Variants in ASB3 observed in about 807,000 individuals in gnomAD.
ASB3 encodes ankyrin repeat and SOCS box containing 3, also known as ankyrin repeat and SOCS box protein 3.
ASB3 carries 41 observed loss-of-function variants against 54.5 expected under a neutral mutation model. That is an observed-to-expected ratio of 0.75 (90% CI 0.59 to 0.98). The LOEUF (loss-of-function observed/expected upper bound fraction) is 0.98, where lower values mean the gene tolerates loss of function less well. Among genes scored for constraint, ASB3 ranks in the 50% least tolerant of loss-of-function variants. The pLI, the probability that ASB3 is intolerant of heterozygous loss-of-function variation, is 0.00. For synonymous variants in ASB3, 266 were observed against 221.2 expected, an observed-to-expected ratio of 1.20 and a Z score of -1.80; for missense variants, 733 against 620.0, an observed-to-expected ratio of 1.18 and a Z score of -1.94.
intron 4 of ASB3, 83 bp downstream of exon 4, chr2:53,729,375 A>G (rs1671176552): frequency 7.1e-7 from 1 of 1,405,236 alleles, no homozygotes; most frequent in African/African-American, 1.4e-5. Flanking sequence ...GCAAGCAGAA[A>G]GCAAAAACTG....
At chr2:53,709,147 A>C (rs2103808857) in intron 7 of ASB3, among the ~76,000 whole-genome samples, 1 of 152,354 alleles carries the variant, frequency 6.6e-6, no homozygotes, top group Non-Finnish European at 1.5e-5. Context: ...CCAGAGGCCT[A>C]GGAGGACTGA....
At chr2:53,782,712 C>T (rs1297504430) in intron 1 of ASB3, among the ~76,000 whole-genome samples, 1 of 152,242 alleles carries the variant, frequency 6.6e-6, no homozygotes, top group Non-Finnish European at 1.5e-5. Flanking sequence ...AGAGGCAACT[C>T]GTTTCTTGCA....
intron 1 of ASB3, 133 bp from the exon 2 acceptor site, chr2:53,765,718 T>C: frequency 9.6e-7 from 1 of 1,036,968 alleles, no homozygotes; most frequent in Non-Finnish European, 1.4e-6. Context: ...ATACAGAAAG[T>C]GACTGCCATG....
At chr2:53,742,079 C>T (rs1464916308) in intron 3 of ASB3, among the ~76,000 whole-genome samples, 1 of 152,108 alleles carries the variant, frequency 6.6e-6, no homozygotes, top group Admixed American at 6.6e-5. Flanking sequence ...CTTCTCTGGA[C>T]CAGTTGAAAT....
chr2:53,778,367 A>T (rs567030449), intron 1 of ASB3, among the ~76,000 whole-genome samples: 13 of 152,302 alleles, frequency 8.5e-5, no homozygotes, highest in African/African-American at 3.1e-4. Flanking sequence ...TACAATGTGG[A>T]ATAATTAAAT....
intron 7 of ASB3, among the ~76,000 whole-genome samples, chr2:53,706,581 G>A (rs1177350584): frequency 2.6e-5 from 4 of 152,050 alleles, no homozygotes; most frequent in African/African-American, 9.7e-5. Context: ...GAGTAGTTGG[G>A]ACTATAGGCA....
intron 3 of ASB3, among the ~76,000 whole-genome samples, chr2:53,743,284 C>A (rs913759471): frequency 6.6e-6 from 1 of 151,300 alleles, no homozygotes; most frequent in African/African-American, 2.4e-5. Flanking sequence ...GGAATACACG[C>A]GTGAGCAACA....
intron 8 of ASB3, among the ~76,000 whole-genome samples, chr2:53,695,723 T>C (rs1669148068): frequency 2.6e-5 from 4 of 152,256 alleles, no homozygotes; most frequent in Middle Eastern, 3.4e-3. Context: ...TGTACAATCA[T>C]AAACGAGTGA....
chr2:53,711,157 TG>T (rs1670073109), intron 7 of ASB3, among the ~76,000 whole-genome samples: 1 of 152,056 alleles, frequency 6.6e-6, no homozygotes, highest in Non-Finnish European at 1.5e-5. Flanking sequence ...AAAAACAATT[TG>T]GGTCTATCTT....
rs148354003 is a variant in ASB3 at position 53,766,619 on chromosome 2, G to A, written c.-13-1034C>T. Among the ~76,000 whole-genome samples the A allele has an allele frequency of 2.0e-5, 3 of 152,254 alleles. No homozygotes were observed. The East Asian group carries it at 5.8e-4, about 29-fold the overall frequency. ...AAAGTATAAATAAAGTAAAAAGGAA[G>A]TACAGCAACTGTGCAAAATGGTAAT... On this transcript the variant is annotated intron_variant, in intron 1 of 9. Transcript: ENST00000263634.
chr2:53,779,555 GC>G (rs1674533623), intron 1 of ASB3, among the ~76,000 whole-genome samples: 1 of 151,880 alleles, frequency 6.6e-6, no homozygotes, highest in Non-Finnish European at 1.5e-5. Context: ...TCCCACCTCA[GC>G]CTCCCAAGTA....
chr2:53,726,247 T>C (rs765370285), intron 5 of ASB3, among the ~76,000 whole-genome samples: 2 of 150,614 alleles, frequency 1.3e-5, no homozygotes, highest in South Asian at 2.1e-4. Flanking sequence ...GTTTAATCTA[T>C]TTAATCTAAA....
intron 9 of ASB3, among the ~76,000 whole-genome samples, chr2:53,680,175 T>C (rs1012995289): frequency 4.6e-5 from 7 of 152,234 alleles, no homozygotes; most frequent in Non-Finnish European, 8.8e-5. Context: ...TCCATGTCTT[T>C]GTTACTGTGA....
chr2:53,673,809 T>G (rs1286424042), intron 9 of ASB3, among the ~76,000 whole-genome samples: 1 of 152,246 alleles, frequency 6.6e-6, no homozygotes, highest in Non-Finnish European at 1.5e-5. Flanking sequence ...AGGTATTGGT[T>G]CAAATTTTAA....
chr2:53,671,023 A>C (rs371957173), intron 9 of ASB3, among the ~76,000 whole-genome samples: 39 of 152,344 alleles, frequency 2.6e-4, no homozygotes, highest in Middle Eastern at 3.4e-3. Flanking sequence ...CACAATAGCA[A>C]ATGCTACCTT....
At chr2:53,758,136 C>T (rs1469745231) in intron 2 of ASB3, among the ~76,000 whole-genome samples, 2 of 152,186 alleles carry the variant, frequency 1.3e-5, no homozygotes, top group Non-Finnish European at 2.9e-5. Flanking sequence ...AACTGAAGGT[C>T]TTCTCTGTGA....
At chr2:53,738,487 G>C (rs987691039) in intron 3 of ASB3, among the ~76,000 whole-genome samples, 1 of 152,110 alleles carries the variant, frequency 6.6e-6, no homozygotes, top group African/African-American at 2.4e-5. Context: ...AATCAAACCA[G>C]ACAAACTTCA....
rs561732366 is a variant in ASB3, at chr2:53,735,911, A to G, written c.356-6341T>C. ...CCACTGAATATCCATATGGGGAAAA[A>G]AATCTTCACCCCTGTCCCACACAAT... On this transcript the variant is annotated intron_variant, in intron 3 of 9. Transcript: ENST00000263634. Among the ~76,000 whole-genome samples, 3 of 152,140 alleles carry G rather than the reference A, an allele frequency of 2.0e-5. No individual in the cohort carries two copies. In the East Asian group the frequency reaches 5.8e-4, roughly 29 times the overall value.
At chr2:53,776,036 A>G (rs1180493317) in intron 1 of ASB3, among the ~76,000 whole-genome samples, 2 of 152,198 alleles carry the variant, frequency 1.3e-5, no homozygotes, top group African/African-American at 2.4e-5. Context: ...AAGAGGACAT[A>G]TAATCTCTCT....
Sources: gnomAD v4.1 joint callset for allele counts (sites outside exome capture counted in the v4.1 genomes callset) on GRCh38, gnomAD v4.1.1 for gene constraint, MANE v1.5 for transcripts, NCBI Gene and HGNC (gene_info 2026-07-23, HGNC 2026-07-21) for gene names.